CELSR1: variants seen among roughly 807,000 people sequenced by gnomAD.
The protein encoded by CELSR1 is adhesion G protein-coupled receptor C1.
A neutral mutation model predicts 249.1 loss-of-function variants in CELSR1; 110 were observed. The observed-to-expected ratio is 0.44, with a 90% CI of 0.38 to 0.52. CELSR1 has a LOEUF of 0.52. Ranked by LOEUF, CELSR1 falls within the 20% of genes least tolerant of loss-of-function variation. The pLI, the probability that CELSR1 is intolerant of heterozygous loss-of-function variation, is 0.00. For missense variants in CELSR1, 4,109 were observed against 4,296.4 expected (o/e 0.96, Z 1.22); for synonymous variants, 2,113 against 1,900.0 (o/e 1.11, Z -2.92).
At chr22:46,504,818 C>G (rs1261791593) in intron 1 of CELSR1, among the ~76,000 whole-genome samples, 1 of 152,156 alleles carries the variant, frequency 6.6e-6, no homozygotes, top group Non-Finnish European at 1.5e-5. Context: ...AGCAAAACCT[C>G]AAAAGTTACT....
chr22:46,398,470 C>G lies in CELSR1; in HGVS notation c.5526+54G>C, dbSNP rs554737340. ...GAACCACCTATGGTGCTGCCAGCCT[C>G]GGAGCTGCCTGTGAGGGGCAGGCCT... On this transcript the variant is annotated intron_variant, in intron 11 of 34. Coordinates refer to ENST00000674500, the MANE Select transcript of CELSR1 (RefSeq NM_001378328.1). This position sits in a 1 kb window ranked among gnomAD's most constrained non-coding sequence, Gnocchi z 7.2. 3.0e-6 allele frequency: 4 copies of G among 1,333,150 alleles called. No individual in the cohort carries two copies. Among genetic ancestry groups the G allele is most frequent in the Non-Finnish European group, 4.2e-6 (4 of 955,814 alleles). The allele number at this position is 1,333,150 out of a possible 1,614,324, so 82.6% of individuals were successfully genotyped here. A position where few individuals can be genotyped will look rare whatever the true frequency, so the allele number is the denominator to read the frequency against.
rs569049214 is a variant in CELSR1 at position 46,412,891 on chromosome 22, A to C, written c.4612-1132T>G. 6.6e-6 allele frequency among the ~76,000 whole-genome samples: 1 copy of C among 152,360 alleles called. No individual in the cohort carries two copies. Among genetic ancestry groups the C allele is most frequent in the East Asian group, 1.9e-4 (1 of 5,186 alleles). ...CTACATCCCACAGGTGGCCGTGACG[A>C]TGAGCCAGGAGATCGCCAGGCAAGT... On this transcript the variant is annotated intron_variant, in intron 5 of 34. Coordinates refer to ENST00000674500, the MANE Select transcript of CELSR1 (RefSeq NM_001378328.1). This position sits in a 1 kb window ranked among gnomAD's most constrained non-coding sequence, Gnocchi z 4.5.
intron 1 of CELSR1, among the ~76,000 whole-genome samples, chr22:46,466,994 G>A (rs950560047): frequency 7.9e-5 from 12 of 152,186 alleles, no homozygotes; most frequent in Admixed American, 1.3e-4. Flanking sequence ...GAACCTGGCC[G>A]TGCTGCCTCC....
chr22:46,438,313 GA>G (rs2079690855), intron 3 of CELSR1, among the ~76,000 whole-genome samples: 1 of 152,132 alleles, frequency 6.6e-6, no homozygotes, highest in African/African-American at 2.4e-5. Context: ...AGAAAGAGGA[GA>G]AGGGGCTATG....
chr22:46,418,910 T>C (rs2079433899), intron 5 of CELSR1, among the ~76,000 whole-genome samples: 1 of 152,182 alleles, frequency 6.6e-6, no homozygotes. Flanking sequence ...ACGTATACAG[T>C]ACATTTGGAA....
chr22:46,453,206 G>A (rs2079906758), intron 2 of CELSR1, among the ~76,000 whole-genome samples: 1 of 152,206 alleles, frequency 6.6e-6, no homozygotes, highest in East Asian at 1.9e-4. Flanking sequence ...AGCAGGGCTG[G>A]AAGGGACGTG....
chr22:46,420,149 A>C, intron 5 of CELSR1, among the ~76,000 whole-genome samples: 1 of 139,234 alleles, frequency 7.2e-6, no homozygotes, highest in South Asian at 2.4e-4. Context: ...CACCCACTCA[A>C]ATGTGCCCTC....
chr22:46,428,784 C>T lies in CELSR1; in HGVS notation c.4611+4609G>A, dbSNP rs2079563264. 1.3e-5 allele frequency among the ~76,000 whole-genome samples: 2 copies of T among 152,212 alleles called. No individual in the cohort carries two copies. The highest frequency in any genetic ancestry group is 2.1e-4 in the South Asian group (1 of 4,830). ...GGCCTCCTGGCGCTCCACCTCACTG[C>T]CTCACTGCACAGCTCACTCACGGGT... On this transcript the variant is annotated intron_variant, in intron 5 of 34. Transcript: ENST00000674500. The surrounding 1 kb of genome is among the most constrained non-coding windows in gnomAD (Gnocchi z 5.7).
rs149132984 is a variant in CELSR1, at chr22:46,429,000, G to T, written c.4611+4393C>A. On this transcript the variant is annotated intron_variant, in intron 5 of 34. Coordinates refer to ENST00000674500, the MANE Select transcript of CELSR1 (RefSeq NM_001378328.1). This position sits in a 1 kb window ranked among gnomAD's most constrained non-coding sequence, Gnocchi z 5.7. ...GCCCCGTTAAACATCTTGCTGGCAC[G>T]TCTGTGTCCCCGACCCTGCCAGGAG... 6.6e-6 allele frequency among the ~76,000 whole-genome samples: 1 copy of T among 152,128 alleles called. No homozygotes were observed. The highest frequency in any genetic ancestry group is 2.1e-4 in the South Asian group (1 of 4,816).
chr22:46,417,614 G>A lies in CELSR1; in HGVS notation c.4612-5855C>T, dbSNP rs2079418171. Reference sequence around the variant, plus strand: ...GCTCCACACTATCCCAGGTTGTAAGGGGAACTCAAGTTCCTCTGCCCAACT... The same window carrying A: ...GCTCCACACTATCCCAGGTTGTAAGAGGAACTCAAGTTCCTCTGCCCAACT... On this transcript the variant is annotated intron_variant, in intron 5 of 34. Coordinates refer to ENST00000674500, the MANE Select transcript of CELSR1 (RefSeq NM_001378328.1). The surrounding 1 kb of genome is among the most constrained non-coding windows in gnomAD (Gnocchi z 4.1). Among the ~76,000 whole-genome samples, 1 of 152,198 alleles carries A rather than the reference G, an allele frequency of 6.6e-6. No individual in the cohort carries two copies. The highest frequency in any genetic ancestry group is 1.5e-5 in the Non-Finnish European group (1 of 68,046).
chr22:46,412,298 T>C lies in CELSR1; in HGVS notation c.4612-539A>G, dbSNP rs545695952. Among the ~76,000 whole-genome samples, 2 of 152,334 alleles carry C rather than the reference T, an allele frequency of 1.3e-5. No individual in the cohort carries two copies. Among genetic ancestry groups the C allele is most frequent in the Non-Finnish European group, 2.9e-5 (2 of 68,018 alleles). On this transcript the variant is annotated intron_variant, in intron 5 of 34. Transcript: ENST00000674500. This position sits in a 1 kb window ranked among gnomAD's most constrained non-coding sequence, Gnocchi z 4.5. ...ATCATGTCTGTTGTTTGAGCCACCC[T>C]GTCCGTGGTACTTTGTGATGGTGGC... is the stretch of plus-strand genomic sequence containing the variant.
chr22:46,415,260 C>G (rs2079386745), intron 5 of CELSR1, among the ~76,000 whole-genome samples: 1 of 152,198 alleles, frequency 6.6e-6, no homozygotes, highest in Non-Finnish European at 1.5e-5. Context: ...AGCGATTCTC[C>G]TGCCTCAGCC....
chr22:46,457,046 G>A (rs2079963248), intron 2 of CELSR1, among the ~76,000 whole-genome samples: 2 of 152,168 alleles, frequency 1.3e-5, no homozygotes, highest in African/African-American at 4.8e-5. Context: ...CCCCAGCTAG[G>A]GAGCACCCGA....
chr22:46,488,547 C>T lies in CELSR1; in HGVS notation c.3545-24202G>A, dbSNP rs1442274691. ...CGGCACAGGCCAGAGGGAAGCCCCA[C>T]AGGCCTAGCTGAGGGACACAAAAAG... On this transcript the variant is annotated intron_variant, in intron 1 of 34. Transcript: ENST00000674500. The surrounding 1 kb of genome is among the most constrained non-coding windows in gnomAD (Gnocchi z 4.7). Among the ~76,000 whole-genome samples, 1 of 152,212 alleles carries T rather than the reference C, an allele frequency of 6.6e-6. No individual in the cohort carries two copies. The highest frequency in any genetic ancestry group is 1.5e-5 in the Non-Finnish European group (1 of 68,018).
At chr22:46,438,825 C>T (rs2079699736) in intron 3 of CELSR1, among the ~76,000 whole-genome samples, 1 of 152,156 alleles carries the variant, frequency 6.6e-6, no homozygotes, top group South Asian at 2.1e-4. Flanking sequence ...GTGGCACAGT[C>T]TCAGCTCACT....
chr22:46,531,833 G>T (rs12628400), intron 1 of CELSR1, among the ~76,000 whole-genome samples: 1 of 152,206 alleles, frequency 6.6e-6, no homozygotes. Flanking sequence ...ACTGTCATCC[G>T]GGTGTGTGTT....
chr22:46,431,575 C>A (rs2079596054), intron 5 of CELSR1, among the ~76,000 whole-genome samples: 1 of 152,218 alleles, frequency 6.6e-6, no homozygotes, highest in African/African-American at 2.4e-5. Flanking sequence ...TTGGGAGGCA[C>A]CACCCCAGGG....
intron 1 of CELSR1, among the ~76,000 whole-genome samples, chr22:46,497,098 C>G (rs1165790725): frequency 6.6e-6 from 1 of 152,166 alleles, no homozygotes; most frequent in African/African-American, 2.4e-5. Context: ...ATGGCTGTGA[C>G]TGCAAGGAGG....
At position 46,412,504 on chromosome 22, in the gene CELSR1, C is replaced by T. The variant is rs1030088838; in HGVS notation, c.4612-745G>A. On this transcript the variant is annotated intron_variant, in intron 5 of 34. Coordinates refer to ENST00000674500, the MANE Select transcript of CELSR1 (RefSeq NM_001378328.1). This position sits in a 1 kb window ranked among gnomAD's most constrained non-coding sequence, Gnocchi z 4.5. Reference sequence around the variant, plus strand: ...ACGGCCCCACATCTCCCCTCTAAGGCGTGGAACTCCCTCTCTGGGCCAGGA... The same window carrying T: ...ACGGCCCCACATCTCCCCTCTAAGGTGTGGAACTCCCTCTCTGGGCCAGGA... 5.9e-5 allele frequency among the ~76,000 whole-genome samples: 9 copies of T among 152,172 alleles called. No individual in the cohort carries two copies. The highest frequency in any genetic ancestry group is 1.3e-4 in the Admixed American group (2 of 15,284).
Sources: allele counts gnomAD v4.1 joint callset (sites outside exome capture counted in the v4.1 genomes callset), GRCh38; gene constraint gnomAD v4.1.1; non-coding constraint Gnocchi (gnomAD v3.1); transcripts MANE v1.5; gene names NCBI Gene and HGNC (gene_info 2026-07-23, HGNC 2026-07-21).